Variants in NRG4 observed in about 807,000 individuals in gnomAD.
The protein encoded by NRG4 is pro-neuregulin-4, membrane-bound isoform.
NRG4 carries 10 observed loss-of-function variants against 15.0 expected under a neutral mutation model. The ratio of observed to expected loss-of-function variants is 0.67; its 90% CI spans 0.41 to 1.13. The LOEUF is 1.13. Ranked by LOEUF, NRG4 falls within the 50% of genes most tolerant of loss-of-function variation. The pLI is 0.00. For synonymous variants in NRG4, 41 were observed against 50.1 expected, an observed-to-expected ratio of 0.82 and a Z score of 0.77; for missense variants, 139 against 140.2, an observed-to-expected ratio of 0.99 and a Z score of 0.04.
intron 5 of NRG4, among the ~76,000 whole-genome samples, chr15:75,954,272 T>TG (rs2032093794): frequency 6.6e-6 from 1 of 151,870 alleles, no homozygotes; most frequent in Non-Finnish European, 1.5e-5. Flanking sequence ...TTTGTTTTTT[T>TG]TTTTTTGATC....
At chr15:75,948,471 T>G (rs2141775759) in intron 5 of NRG4, among the ~76,000 whole-genome samples, 1 of 152,180 alleles carries the variant, frequency 6.6e-6, no homozygotes, top group East Asian at 1.9e-4. Context: ...AGATAATGTT[T>G]TGTATTTTTA....
At chr15:76,025,842 A>T (rs2141934494) in intron 5 of NRG4, among the ~76,000 whole-genome samples, 1 of 152,164 alleles carries the variant, frequency 6.6e-6, no homozygotes, top group South Asian at 2.1e-4. Context: ...GCATCACTGC[A>T]CTCCAGCCTG....
chr15:76,041,337 C>A (rs1361819599), intron 4 of NRG4, among the ~76,000 whole-genome samples: 8 of 151,852 alleles, frequency 5.3e-5, no homozygotes. Context: ...TGTAAGTGGA[C>A]TAGACTCTTC....
At chr15:76,025,416 G>A (rs2035285662) in intron 5 of NRG4, among the ~76,000 whole-genome samples, 1 of 152,080 alleles carries the variant, frequency 6.6e-6, no homozygotes, top group South Asian at 2.1e-4. Flanking sequence ...TCCAGCCTGG[G>A]TGACAGAGCG....
chr15:75,958,809 A>G lies in NRG4; in HGVS notation c.252-2798T>C, dbSNP rs1180583463. Among the ~76,000 whole-genome samples the G allele has an allele frequency of 2.0e-5, 3 of 152,134 alleles. No homozygotes were observed. The East Asian group carries it at 5.8e-4, about 29-fold the overall frequency. On this transcript the variant is annotated intron_variant, in intron 4 of 5. Transcript: ENST00000394907. ...AGAAATATTTCTAAGTTCTGGCACA[A>G]GTCTGCAGAACAGCTATAGCTTAGA...
In NRG4 at chr15:75,943,258, A is replaced by G. The variant is rs147423877; in HGVS notation, c.*380T>C. Reference sequence around the variant, plus strand: ...GAATGAGGTGGTTTTGAAGCCACTAAGCCAGCTACTCCTTGCATTTAAAGG... The same window carrying G: ...GAATGAGGTGGTTTTGAAGCCACTAGGCCAGCTACTCCTTGCATTTAAAGG... On this transcript the variant is annotated 3_prime_UTR_variant, in exon 6 of 6. Transcript: ENST00000394907. 1.5e-4 allele frequency: 27 copies of G among 179,856 alleles called. 1 individual carries two copies. Among genetic ancestry groups the G allele is most frequent in the African/African-American group, 6.3e-4 (27 of 42,780 alleles). The allele number at this position is 179,856 out of a possible 1,614,324, so 11.1% of individuals were successfully genotyped here. A position where few individuals can be genotyped will look rare whatever the true frequency, so the allele number is the denominator to read the frequency against.
intron 3 of NRG4, among the ~76,000 whole-genome samples, chr15:75,970,382 G>A (rs918538244): frequency 6.6e-6 from 1 of 152,192 alleles, no homozygotes; most frequent in Non-Finnish European, 1.5e-5. Context: ...CTCCTAAACT[G>A]CTTCTCTTAA....
At chr15:75,971,922 T>C (rs2033113183) in intron 3 of NRG4, among the ~76,000 whole-genome samples, 1 of 152,238 alleles carries the variant, frequency 6.6e-6, no homozygotes, top group African/African-American at 2.4e-5. Flanking sequence ...TTTCTAGTTC[T>C]AGATTCTTGA....
chr15:76,030,052 ATCAAGACC>A (rs1415203028), intron 5 of NRG4, among the ~76,000 whole-genome samples: 1 of 152,140 alleles, frequency 6.6e-6, no homozygotes, highest in Non-Finnish European at 1.5e-5. Flanking sequence ...AGGTCAGGAG[ATCAAGACC>A]ATCCTGGCTA....
downstream of NRG4, chr15:75,938,529 GAATT>G (rs2030603243): frequency 6.6e-6 from 1 of 151,934 alleles, no homozygotes; most frequent in African/African-American, 2.4e-5. Flanking sequence ...CATGAACAAA[GAATT>G]AAAGAAATCA....
At chr15:75,972,931 G>T (rs189877397) in intron 3 of NRG4, among the ~76,000 whole-genome samples, 1 of 152,248 alleles carries the variant, frequency 6.6e-6, no homozygotes, top group African/African-American at 2.4e-5. Context: ...GCTTGACAGG[G>T]ATAGCATTGA....
At chr15:75,996,959 T>C (rs1427130797) in intron 3 of NRG4, among the ~76,000 whole-genome samples, 1 of 152,118 alleles carries the variant, frequency 6.6e-6, no homozygotes, top group Non-Finnish European at 1.5e-5. Context: ...AAGGATGAGG[T>C]AGGTGTCAAT....
chr15:75,961,161 T>C (rs1788886805), intron 4 of NRG4, among the ~76,000 whole-genome samples: 1 of 152,228 alleles, frequency 6.6e-6, no homozygotes, highest in South Asian at 2.1e-4. Flanking sequence ...ATGAGAGTTA[T>C]GCCAAATAAC....
rs534205634 is a variant in NRG4 at position 76,011,019 on chromosome 15, C to T, written c.10+202G>A. ...TATAAAACCAATAAAACACATATAT[C>T]TAAAATAAAATAGCTTTATGTCACA... On this transcript the variant is annotated intron_variant, in intron 2 of 5. Coordinates refer to ENST00000394907, the MANE Select transcript of NRG4 (RefSeq NM_138573.4). Among the ~76,000 whole-genome samples the T allele has an allele frequency of 8.5e-5, 13 of 152,146 alleles. 1 individual carries two copies. The South Asian group carries it at 2.7e-3, about 32-fold the overall frequency.
At chr15:76,031,688 A>T (rs1396444378) in intron 5 of NRG4, among the ~76,000 whole-genome samples, 1 of 152,154 alleles carries the variant, frequency 6.6e-6, no homozygotes, top group Non-Finnish European at 1.5e-5. Flanking sequence ...ACAGAGCAAG[A>T]TTCCGTCTCT....
intron 4 of NRG4, among the ~76,000 whole-genome samples, chr15:75,960,024 T>C (rs74024030): frequency 0.04 from 6,025 of 152,284 alleles, 215 homozygotes; most frequent in African/African-American, 0.094. Flanking sequence ...TTACCTACAA[T>C]AAGTGAGAAA....
chr15:75,956,032 A>G, intron 4 of NRG4, 21 bp from the exon 5 acceptor site: 1 of 1,465,304 alleles, frequency 6.8e-7, no homozygotes, highest in Non-Finnish European at 9.6e-7. Context: ...AGAGGAGAGA[A>G]ACACAAAAAT....
chr15:76,050,971 ATTTTTATTTAT>A (rs2035994151), intron 4 of NRG4, among the ~76,000 whole-genome samples: 2 of 144,970 alleles, frequency 1.4e-5, no homozygotes, highest in Admixed American at 1.3e-4. Flanking sequence ...ATGCCTGCCT[ATTTTTATTTAT>A]TTATTTATTT....
chr15:75,962,628 A>T (rs959588116), intron 3 of NRG4, among the ~76,000 whole-genome samples: 2 of 152,222 alleles, frequency 1.3e-5, no homozygotes, highest in African/African-American at 4.8e-5. Context: ...AATATTTTAT[A>T]GCCAATTACC....
Sources: allele counts gnomAD v4.1 joint callset (sites outside exome capture counted in the v4.1 genomes callset), GRCh38; gene constraint gnomAD v4.1.1; transcripts MANE v1.5; gene names NCBI Gene and HGNC (gene_info 2026-07-23, HGNC 2026-07-21).